AGBL4: variants seen among roughly 807,000 people sequenced by gnomAD.
AGBL4 encodes AGBL carboxypeptidase 4.
AGBL4 carries 58 observed loss-of-function variants against 66.4 expected under a neutral mutation model. The observed-to-expected ratio is 0.87, with a 90% CI of 0.71 to 1.09. The LOEUF is 1.09. Ranked by LOEUF, AGBL4 falls within the 50% of genes least tolerant of loss-of-function variation. The probability of loss-of-function intolerance (pLI) is 0.00; values close to 1 mark genes in which losing one functional copy is unlikely to be tolerated. For missense variants in AGBL4, 579 were observed against 631.0 expected (o/e 0.92, Z 0.88); for synonymous variants, 234 against 222.9 (o/e 1.05, Z -0.44).
At chr1:48,729,000 AG>A (rs1323027258) in intron 6 of AGBL4, among the ~76,000 whole-genome samples, 3 of 152,220 alleles carry the variant, frequency 2.0e-5, no homozygotes, top group African/African-American at 7.2e-5. Flanking sequence ...GCTCCAGACA[AG>A]GTCTGGCTGG....
At chr1:49,929,222 G>C (rs1653089454) in intron 1 of AGBL4, among the ~76,000 whole-genome samples, 1 of 151,984 alleles carries the variant, frequency 6.6e-6, no homozygotes, top group Non-Finnish European at 1.5e-5. Context: ...CTCACTTCCT[G>C]GGTGACAGGT....
At chr1:48,815,238 G>A (rs1332203877) in intron 6 of AGBL4, among the ~76,000 whole-genome samples, 2 of 152,044 alleles carry the variant, frequency 1.3e-5, no homozygotes, top group Non-Finnish European at 2.9e-5. Context: ...CTTTTGTTGG[G>A]ACTCCAGGGA....
chr1:49,245,631 C>T, intron 4 of AGBL4, 139 bp downstream of exon 4: 1 of 571,762 alleles, frequency 1.7e-6, no homozygotes, highest in Non-Finnish European at 3.1e-6. Context: ...AGCAGATAAA[C>T]TAGAGTTCTG....
intron 3 of AGBL4, among the ~76,000 whole-genome samples, chr1:49,582,884 C>CTA (rs776835474): frequency 7.9e-5 from 12 of 152,158 alleles, no homozygotes; most frequent in Non-Finnish European, 1.3e-4. Flanking sequence ...AAAACCAGAT[C>CTA]TATGCTCTTG....
At chr1:49,706,165 A>G (rs542943775) in intron 2 of AGBL4, among the ~76,000 whole-genome samples, 1 of 152,244 alleles carries the variant, frequency 6.6e-6, no homozygotes, top group Non-Finnish European at 1.5e-5. Context: ...TCGGCTGTGA[A>G]TCTGTCTAGT....
chr1:49,375,825 G>T (rs1644461252), intron 3 of AGBL4, among the ~76,000 whole-genome samples: 1 of 152,030 alleles, frequency 6.6e-6, no homozygotes, highest in Non-Finnish European at 1.5e-5. Flanking sequence ...GCCACTCAAT[G>T]AGGCTATTTC....
intron 10 of AGBL4, among the ~76,000 whole-genome samples, chr1:48,587,859 G>A (rs1325495439): frequency 6.6e-6 from 1 of 151,506 alleles, no homozygotes; most frequent in Non-Finnish European, 1.5e-5. Context: ...AGCCAGGATG[G>A]TCTCGATCTC....
chr1:48,789,290 ATATAT>A (rs1645482162), intron 6 of AGBL4, among the ~76,000 whole-genome samples: 4 of 63,220 alleles, frequency 6.3e-5, no homozygotes, highest in Non-Finnish European at 1.2e-4. Context: ...ATATATATAT[ATATAT>A]TTTTTTTTTT....
chr1:49,857,923 G>A lies in AGBL4; in HGVS notation c.35-6405C>T, dbSNP rs368771081. Among the ~76,000 whole-genome samples the A allele has an allele frequency of 1.2e-4, 18 of 152,154 alleles. No homozygotes were observed. In the South Asian group the frequency reaches 3.5e-3, roughly 30 times the overall value. ...AAGGAAACAATCAACAAAATGATTAGACAATCTTTAGAATAAAAGAAAATA... is the reference window on the plus strand; with the variant it reads ...AAGGAAACAATCAACAAAATGATTAAACAATCTTTAGAATAAAAGAAAATA... On this transcript the variant is annotated intron_variant, in intron 1 of 13. Transcript: ENST00000371839.
chr1:49,117,905 G>A (rs772752036), intron 4 of AGBL4, among the ~76,000 whole-genome samples: 11 of 152,098 alleles, frequency 7.2e-5, no homozygotes, highest in Admixed American at 2.0e-4. Flanking sequence ...TTGAGCAGTG[G>A]TTTGTAGCTC....
In AGBL4 at chr1:49,711,899, A is replaced by G. The variant is rs1337144950; in HGVS notation, c.158-14462T>C. On this transcript the variant is annotated intron_variant, in intron 2 of 13. Transcript: ENST00000371839. ...TTACATACAGGGACTGTAAAGCCAG[A>G]CAACATGAGCTGTAAATCTGTCTCT... Among the ~76,000 whole-genome samples, 3 of 152,048 alleles carry G rather than the reference A, an allele frequency of 2.0e-5. No homozygotes were observed. In the East Asian group the frequency reaches 5.8e-4, roughly 29 times the overall value.
At chr1:48,563,756 C>T (rs1037378185) in intron 11 of AGBL4, among the ~76,000 whole-genome samples, 2 of 152,126 alleles carry the variant, frequency 1.3e-5, no homozygotes, top group South Asian at 2.1e-4. Flanking sequence ...TTGGAAAGGT[C>T]GGTGATCACT....
intron 3 of AGBL4, among the ~76,000 whole-genome samples, chr1:49,471,386 T>C (rs977363985): frequency 1.3e-5 from 2 of 151,996 alleles, no homozygotes; most frequent in African/African-American, 4.8e-5. Context: ...TCTTAACTTC[T>C]CAAATATTCA....
chr1:48,929,079 G>A (rs1429576633), intron 5 of AGBL4, among the ~76,000 whole-genome samples: 1 of 152,162 alleles, frequency 6.6e-6, no homozygotes, highest in African/African-American at 2.4e-5. Flanking sequence ...CTCCAGACCT[G>A]GATCCTTCTC....
chr1:48,582,492 C>T (rs141717139), intron 11 of AGBL4, among the ~76,000 whole-genome samples: 2 of 152,114 alleles, frequency 1.3e-5, no homozygotes, highest in African/African-American at 4.8e-5. Context: ...GGAGGCAACC[C>T]GTAATAGCGT....
chr1:49,380,959 C>A lies in AGBL4; in HGVS notation c.283-135095G>T, dbSNP rs556248316. Among the ~76,000 whole-genome samples the A allele has an allele frequency of 1.9e-3, 284 of 152,204 alleles. 1 individual carries two copies. The highest frequency in any genetic ancestry group is 6.5e-3 in the African/African-American group (269 of 41,526). On this transcript the variant is annotated intron_variant, in intron 3 of 13. Transcript: ENST00000371839. ...GGCAAGGACTTCATGTCTAAAACAC[C>A]AAAAGCAATGGCAACAAAAGACAAA...
chr1:48,747,842 A>C (rs1297335549), intron 6 of AGBL4, among the ~76,000 whole-genome samples: 1 of 152,210 alleles, frequency 6.6e-6, no homozygotes, highest in Admixed American at 6.5e-5. Context: ...TATTTTTTCA[A>C]ACATGTATGT....
chr1:49,929,379 A>G (rs1256678384), intron 1 of AGBL4, among the ~76,000 whole-genome samples: 1 of 152,228 alleles, frequency 6.6e-6, no homozygotes, highest in Non-Finnish European at 1.5e-5. Context: ...CAGAAAAATA[A>G]ATGTAAGAAT....
chr1:48,590,795 G>GGGGGCT, intron 10 of AGBL4, 38 bp downstream of exon 10: 3 of 1,563,420 alleles, frequency 1.9e-6, no homozygotes, highest in Non-Finnish European at 2.6e-6. Context: ...GCAGGGTGTG[G>GGGGGCT]GGGGCTGGGG....
Sources: allele counts gnomAD v4.1 joint callset (sites outside exome capture counted in the v4.1 genomes callset), GRCh38; gene constraint gnomAD v4.1.1; transcripts MANE v1.5; gene names NCBI Gene and HGNC (gene_info 2026-07-23, HGNC 2026-07-21).